The following FAM222A variants were observed in gnomAD, a reference collection of about 807,000 sequenced individuals.
FAM222A encodes family with sequence similarity 222 member A, also known as protein FAM222A.
FAM222A carries 7 observed loss-of-function variants against 25.8 expected under a neutral mutation model. The ratio of observed to expected loss-of-function variants is 0.27; its 90% CI spans 0.15 to 0.51. The LOEUF (loss-of-function observed/expected upper bound fraction) is 0.51, where lower values mean the gene tolerates loss of function less well. Ranked by LOEUF, FAM222A falls within the 20% of genes least tolerant of loss-of-function variation. FAM222A has a pLI of 0.97. For synonymous variants in FAM222A, 294 were observed against 298.8 expected, an observed-to-expected ratio of 0.98 and a Z score of 0.17; for missense variants, 573 against 640.5, an observed-to-expected ratio of 0.89 and a Z score of 1.14.
In FAM222A at chr12:109,713,862, G is replaced by A. The variant is rs1052186338; in HGVS notation, c.-1082G>A. ...GCGGAGCAGCGGGCAGGACTGCCTG[G>A]CCGGCTGCTCCGCGGAGAGGCTGCG... On this transcript the variant is annotated 5_prime_UTR_variant, in exon 1 of 3. Coordinates refer to ENST00000538780, the MANE Select transcript of FAM222A (RefSeq NM_032829.3). Among the ~76,000 whole-genome samples the A allele has an allele frequency of 4.7e-5, 7 of 149,472 alleles. No individual in the cohort carries two copies. Among genetic ancestry groups the A allele is most frequent in the Non-Finnish European group, 1.0e-4 (7 of 67,014 alleles).
Position 109,714,081 on chromosome 12 carries a change from G to C in FAM222A, c.-863G>C, listed in dbSNP as rs913729900. 1 of 151,676 alleles carries C rather than the reference G, an allele frequency of 6.6e-6. No individual in the cohort carries two copies. The highest frequency in any genetic ancestry group is 6.6e-5 in the Admixed American group (1 of 15,192). 9.4% of individuals were successfully genotyped at this position (151,676 alleles called of 1,614,324 possible). Reference sequence around the variant, plus strand: ...GCGCGCGGCCCCTGCTGCGGCTTGCGAGCTCGCACACCCGGTGCACAGTCC... The same window carrying C: ...GCGCGCGGCCCCTGCTGCGGCTTGCCAGCTCGCACACCCGGTGCACAGTCC... On this transcript the variant is annotated 5_prime_UTR_variant, in exon 1 of 3. Transcript: ENST00000538780. This position sits in a 1 kb window ranked among gnomAD's most constrained non-coding sequence, Gnocchi z 4.2.
At chr12:109,745,284 G>C (rs1276451438) in intron 2 of FAM222A, among the ~76,000 whole-genome samples, 13 of 152,208 alleles carry the variant, frequency 8.5e-5, no homozygotes, top group Admixed American at 6.5e-4. Context: ...CTGTATGTCA[G>C]CTTCTAAAGA....
In FAM222A at chr12:109,768,222, G is replaced by A; in HGVS notation, c.293G>A (p.Gly98Asp). ...AGCCCCTACCCACAGCACACCGCTG[G>A]CTACCAGGGCCTTCTGGCCATTGTC... is the stretch of plus-strand genomic sequence containing the variant. ...RYSPYPQHTA[G>D]YQGLLAIVKA... The change falls in exon 3 of 3, where the codon GGC becomes GAC. Residue 98 changes from glycine (G) to aspartate (D), a missense_variant. Gly to Asp is a moderately conservative substitution (Grantham distance 94, BLOSUM62 -1). Transcript: ENST00000538780. 6.2e-7 allele frequency: 1 copy of A among 1,612,098 alleles called. No homozygotes were observed. The highest frequency in any genetic ancestry group is 8.5e-7 in the Non-Finnish European group (1 of 1,179,444).
intron 2 of FAM222A, among the ~76,000 whole-genome samples, chr12:109,765,078 C>T (rs1889004520): frequency 6.6e-6 from 1 of 152,204 alleles, no homozygotes; most frequent in South Asian, 2.1e-4. Context: ...TCACCCAGGG[C>T]AGAGGCAAAT....
At chr12:109,746,482 T>C (rs1461478382) in intron 2 of FAM222A, among the ~76,000 whole-genome samples, 1 of 151,718 alleles carries the variant, frequency 6.6e-6, no homozygotes. Context: ...GAGTGAGACT[T>C]GGTCTCAAAA....
chr12:109,744,751 G>T (rs1355487368), intron 2 of FAM222A: 6 of 985,174 alleles, frequency 6.1e-6, no homozygotes, highest in South Asian at 4.7e-5. Flanking sequence ...GTTATTTTTA[G>T]CTATCATAAT....
chr12:109,728,580 GT>G (rs1245271158), intron 1 of FAM222A, among the ~76,000 whole-genome samples: 3 of 152,278 alleles, frequency 2.0e-5, no homozygotes, highest in Admixed American at 1.3e-4. Context: ...ACCTTCCTCT[GT>G]GCCTTTGCTC....
At chr12:109,742,524 G>C (rs1443375640) in intron 1 of FAM222A, among the ~76,000 whole-genome samples, 1 of 151,878 alleles carries the variant, frequency 6.6e-6, no homozygotes, top group Non-Finnish European at 1.5e-5. Flanking sequence ...CTTTTATTGC[G>C]TCTCTGTGTT....
intron 2 of FAM222A, among the ~76,000 whole-genome samples, chr12:109,748,543 C>G (rs1888471886): frequency 6.6e-6 from 1 of 151,888 alleles, no homozygotes; most frequent in Non-Finnish European, 1.5e-5. Context: ...TTTGATAATG[C>G]TATTTCTTCT....
At chr12:109,750,408 G>A (rs1888529508) in intron 2 of FAM222A, among the ~76,000 whole-genome samples, 1 of 152,212 alleles carries the variant, frequency 6.6e-6, no homozygotes, top group Non-Finnish European at 1.5e-5. Flanking sequence ...GCTCACGCCT[G>A]CAGTCCCAGC....
intron 2 of FAM222A, chr12:109,744,789 G>A (rs961511401): frequency 1.3e-5 from 13 of 983,772 alleles, no homozygotes; most frequent in East Asian, 2.3e-4. Flanking sequence ...ACTTAGAAAC[G>A]GAGATTTGCA....
chr12:109,740,516 C>T (rs1888210935), intron 1 of FAM222A, among the ~76,000 whole-genome samples: 1 of 152,166 alleles, frequency 6.6e-6, no homozygotes, highest in Non-Finnish European at 1.5e-5. Flanking sequence ...CTCTGAGAGG[C>T]TGGCCTCCTG....
intron 1 of FAM222A, among the ~76,000 whole-genome samples, chr12:109,716,626 G>A (rs530354460): frequency 1.5e-4 from 23 of 152,328 alleles, no homozygotes; most frequent in Non-Finnish European, 2.2e-4. Flanking sequence ...GGCTGTTTGC[G>A]CTGCCTCTCG....
chr12:109,756,331 C>G (rs1042778956), intron 2 of FAM222A, among the ~76,000 whole-genome samples: 1 of 148,798 alleles, frequency 6.7e-6, no homozygotes, highest in Non-Finnish European at 1.5e-5. Context: ...TCAGGATATC[C>G]TGTATACAAG....
chr12:109,732,424 C>CT (rs1887965936), intron 1 of FAM222A, among the ~76,000 whole-genome samples: 1 of 152,224 alleles, frequency 6.6e-6, no homozygotes, highest in South Asian at 2.1e-4. Flanking sequence ...TGTGCTAAGC[C>CT]TGTCCTGGGC....
At chr12:109,722,359 T>C (rs1300465840) in intron 1 of FAM222A, among the ~76,000 whole-genome samples, 1 of 152,248 alleles carries the variant, frequency 6.6e-6, no homozygotes, top group Admixed American at 6.5e-5. Context: ...AGAGTACTTA[T>C]TCAACAGCTC....
intron 1 of FAM222A, among the ~76,000 whole-genome samples, chr12:109,733,307 TA>T (rs1449080333): frequency 6.6e-6 from 1 of 152,242 alleles, no homozygotes; most frequent in Non-Finnish European, 1.5e-5. Context: ...GAAGTGATAC[TA>T]TTTTGGATCT....
At chr12:109,764,032 C>T (rs561084983) in intron 2 of FAM222A, among the ~76,000 whole-genome samples, 5 of 152,076 alleles carry the variant, frequency 3.3e-5, no homozygotes, top group African/African-American at 1.2e-4. Context: ...GAGTTCGAGA[C>T]CAGCCTGGGC....
intron 1 of FAM222A, among the ~76,000 whole-genome samples, chr12:109,730,184 A>G (rs745373873): frequency 1.3e-5 from 2 of 152,076 alleles, no homozygotes; most frequent in African/African-American, 2.4e-5. Flanking sequence ...CTTACCCTAC[A>G]GGCCGAGGGG....
Sources: gnomAD v4.1 joint callset for allele counts (sites outside exome capture counted in the v4.1 genomes callset) on GRCh38, gnomAD v4.1.1 for gene constraint, Gnocchi (gnomAD v3.1) non-coding constraint, MANE v1.5 for transcripts, NCBI Gene and HGNC (gene_info 2026-07-23, HGNC 2026-07-21) for gene names.